The following OAS2 variants were observed in gnomAD, a reference collection of about 807,000 sequenced individuals.
The protein encoded by OAS2 is 2'-5'-oligoadenylate synthase 2.
OAS2 carries 67 observed loss-of-function variants against 71.3 expected under a neutral mutation model. The ratio of observed to expected loss-of-function variants is 0.94; its 90% CI spans 0.77 to 1.15. The LOEUF (loss-of-function observed/expected upper bound fraction) is 1.15. Among genes scored for constraint, OAS2 ranks in the 50% most tolerant of loss-of-function variants. The pLI, the probability that OAS2 is intolerant of heterozygous loss-of-function variation, is 0.00. For missense variants in OAS2, 789 were observed against 822.5 expected (o/e 0.96, Z 0.50); for synonymous variants, 327 against 321.8 (o/e 1.02, Z -0.17).
intron 3 of OAS2, among the ~76,000 whole-genome samples, chr12:112,997,059 T>A (rs1395634468): frequency 6.6e-6 from 1 of 152,166 alleles, no homozygotes; most frequent in Non-Finnish European, 1.5e-5. Context: ...GATGTTATCT[T>A]TAGTTTCTAT....
rs139297885 is a variant in OAS2, at chr12:113,007,405, G to A, written c.1657-300G>A. On this transcript the variant is annotated intron_variant, in intron 8 of 9. Coordinates refer to ENST00000392583, the MANE Select transcript of OAS2 (RefSeq NM_002535.3). ...CAGGTCATGCTGCCTGCATTGTGGG[G>A]AAGATTAGGAATGATGTGGGTAAAT... 1.6e-3 allele frequency among the ~76,000 whole-genome samples: 239 copies of A among 152,350 alleles called. 2 individuals carry two copies. Among genetic ancestry groups the A allele is most frequent in the African/African-American group, 5.4e-3 (224 of 41,580 alleles).
Position 112,978,733 on chromosome 12 carries a change from G to T in OAS2, c.125G>T (p.Cys42Phe), listed in dbSNP as rs1001446314. ...ATCGACGAGATGGTGAACACCATCT[G>T]TGACGTCCTGCAGGAACCCGAACAG... ...TLIDEMVNTI[C>F]DVLQEPEQFP... The change falls in exon 1 of 10, where the codon TGT (cysteine) becomes TTT (phenylalanine). Residue 42 changes from cysteine to phenylalanine, a missense_variant. Coordinates refer to ENST00000392583, the MANE Select transcript of OAS2 (RefSeq NM_002535.3). This position sits in a 1 kb window ranked among gnomAD's most constrained non-coding sequence, Gnocchi z 4.2. 6.2e-7 allele frequency: 1 copy of T among 1,614,118 alleles called. No individual in the cohort carries two copies. The highest frequency in any genetic ancestry group is 1.7e-5 in the Admixed American group (1 of 60,018).
chr12:112,978,827 T>G lies in OAS2; in HGVS notation c.177+42T>G. 6.4e-7 allele frequency: 1 copy of G among 1,570,164 alleles called. No individual in the cohort carries two copies. The highest frequency in any genetic ancestry group is 2.3e-5 in the East Asian group (1 of 43,662). On this transcript the variant is annotated intron_variant, in intron 1 of 9. Transcript: ENST00000392583. The surrounding 1 kb of genome is among the most constrained non-coding windows in gnomAD (Gnocchi z 4.2). ...GGTTGGGTCTCTGGGAGGCAGGAGA[T>G]TCCACGGCGGCAGCAAGGCCGAGCT...
chr12:112,993,408 TTAGAG>T (rs1299412319), intron 2 of OAS2, among the ~76,000 whole-genome samples: 1 of 152,202 alleles, frequency 6.6e-6, no homozygotes, highest in African/African-American at 2.4e-5. Context: ...CATAAAAGGC[TTAGAG>T]TAAACACACC....
In OAS2 at chr12:112,999,171, A is replaced by C. The variant is rs138674854; in HGVS notation, c.1008+761A>C. 4.3e-4 allele frequency among the ~76,000 whole-genome samples: 65 copies of C among 152,352 alleles called. 1 individual carries two copies. The East Asian group carries it at 0.012, about 28-fold the overall frequency. ...TCCGTTCAGGCAGGTGCCGGGGGCA[A>C]CAGTCAGAAGTGCGGCCGAAACAAG... On this transcript the variant is annotated intron_variant, in intron 5 of 9. Transcript: ENST00000392583.
chr12:112,987,158 A>G lies in OAS2; in HGVS notation c.298A>G (p.Lys100Glu), dbSNP rs1776725753. Residue 100 changes from lysine (K) to glutamate (E), a missense_variant, in exon 2 of 10, where the codon AAA (lysine) becomes GAA (glutamate). Transcript: ENST00000392583. ...GAGAAGCCAACGTGACATCCTCGAT[A>G]AAACTGGGGATAAGCTGAAGTTCTG... is the stretch of plus-strand genomic sequence containing the variant. The part of the protein sequence containing the change: ...QKRSQRDILD[K>E]TGDKLKFCLF... The G allele has an allele frequency of 1.2e-6, 2 of 1,614,082 alleles. No individual in the cohort carries two copies. Among genetic ancestry groups the G allele is most frequent in the South Asian group, 1.1e-5 (1 of 91,078 alleles).
In OAS2 at chr12:112,979,960, C is replaced by G. The variant is rs79926224; in HGVS notation, c.177+1175C>G. Among the ~76,000 whole-genome samples the G allele has an allele frequency of 9.7e-3, 1,484 of 152,246 alleles. 19 individuals carry two copies. Among genetic ancestry groups the G allele is most frequent in the Non-Finnish European group, 0.015 (1,052 of 68,000 alleles). ...TGTAAACCAGGATGCATGGGTGAAC[C>G]CTACATAAATGGCATCATGGGCTCT... On this transcript the variant is annotated intron_variant, in intron 1 of 9. Coordinates refer to ENST00000392583, the MANE Select transcript of OAS2 (RefSeq NM_002535.3).
Position 112,995,278 on chromosome 12 carries a change from A to G in OAS2, c.449-18A>G, listed in dbSNP as rs2044223709. On this transcript the variant is annotated intron_variant, in intron 2 of 9. Coordinates refer to ENST00000392583, the MANE Select transcript of OAS2 (RefSeq NM_002535.3). ...AGGTTACATAAATAACAACGTTCCA[A>G]TTTCTGTTTCACATCAGGCTTAAAT... 6.3e-7 allele frequency: 1 copy of G among 1,589,212 alleles called. No homozygotes were observed. The highest frequency in any genetic ancestry group is 8.6e-7 in the Non-Finnish European group (1 of 1,168,344).
intron 1 of OAS2, among the ~76,000 whole-genome samples, chr12:112,985,511 G>A (rs2044126671): frequency 6.6e-6 from 1 of 152,096 alleles, no homozygotes; most frequent in Non-Finnish European, 1.5e-5. Flanking sequence ...GTTCTTTTTA[G>A]CAATATCTAT....
chr12:112,983,876 A>G (rs542606603), intron 1 of OAS2, among the ~76,000 whole-genome samples: 15 of 152,354 alleles, frequency 9.8e-5, no homozygotes, highest in East Asian at 7.7e-4. Flanking sequence ...GTGACCTACC[A>G]TAGGGTCTAT....
In OAS2 at chr12:113,010,290, C is replaced by T; in HGVS notation, c.*1035C>T. The stretch of plus-strand genomic sequence containing the variant: ...AATAGTTACCTTCCCAGATACAGGT[C>T]CCCCCTTTTTTCCCCTAACTCTTTT... On this transcript the variant is annotated 3_prime_UTR_variant, in exon 10 of 10. Coordinates refer to ENST00000392583, the MANE Select transcript of OAS2 (RefSeq NM_002535.3). 2 of 1,502,858 alleles carry T rather than the reference C, an allele frequency of 1.3e-6. No individual in the cohort carries two copies. The highest frequency in any genetic ancestry group is 1.8e-6 in the Non-Finnish European group (2 of 1,129,812). 93.1% of individuals were successfully genotyped at this position (1,502,858 alleles called of 1,614,324 possible). A position where few individuals can be genotyped will look rare whatever the true frequency, so the allele number is the denominator to read the frequency against.
chr12:113,007,979 G>A (rs570627017), intron 9 of OAS2, 36 bp downstream of exon 9: 1 of 1,461,258 alleles, frequency 6.8e-7, no homozygotes, highest in Admixed American at 1.7e-5. Context: ...TTCTTAACCT[G>A]ATTCCCTTGA....
chr12:112,984,181 T>C (rs1339778573), intron 1 of OAS2, among the ~76,000 whole-genome samples: 1 of 152,238 alleles, frequency 6.6e-6, no homozygotes, highest in African/African-American at 2.4e-5. Context: ...TAATATTTGC[T>C]TTACATATCT....
At chr12:112,991,130 C>A (rs2044188053) in intron 2 of OAS2, among the ~76,000 whole-genome samples, 1 of 152,222 alleles carries the variant, frequency 6.6e-6, no homozygotes, top group African/African-American at 2.4e-5. Context: ...CTCAAACCCA[C>A]ATGATGCTAG....
At chr12:112,980,028 A>G (rs1419389240) in intron 1 of OAS2, among the ~76,000 whole-genome samples, 1 of 152,134 alleles carries the variant, frequency 6.6e-6, no homozygotes, top group African/African-American at 2.4e-5. Context: ...GATGTTTATG[A>G]AATTTATGTT....
Position 113,010,678 on chromosome 12 carries a change from A to G in OAS2, c.*1423A>G, listed in dbSNP as rs1592822265. The G allele has an allele frequency of 4.5e-6, 3 of 667,704 alleles. No homozygotes were observed. In the South Asian group the frequency reaches 1.1e-4, roughly 25 times the overall value. The allele number at this position is 667,704 out of a possible 1,614,324, so 41.4% of individuals were successfully genotyped here. A position where few individuals can be genotyped will look rare whatever the true frequency, so the allele number is the denominator to read the frequency against. On this transcript the variant is annotated 3_prime_UTR_variant, in exon 10 of 10. Coordinates refer to ENST00000392583, the MANE Select transcript of OAS2 (RefSeq NM_002535.3). Reference sequence around the variant, plus strand: ...CTCTGCAGGCAGCCTGCCTTTAAAAATAGTTGCTGTCATCCACTTTATGTG... The same window carrying G: ...CTCTGCAGGCAGCCTGCCTTTAAAAGTAGTTGCTGTCATCCACTTTATGTG...
At chr12:112,979,809 C>G (rs2044063192) in intron 1 of OAS2, among the ~76,000 whole-genome samples, 1 of 152,208 alleles carries the variant, frequency 6.6e-6, no homozygotes, top group South Asian at 2.1e-4. Context: ...CTCCTGACTT[C>G]TAACAGCATA....
chr12:113,006,272 G>A (rs2044334176), intron 7 of OAS2, 141 bp from the exon 8 acceptor site: 5 of 633,712 alleles, frequency 7.9e-6, no homozygotes, highest in Middle Eastern at 4.7e-4. Flanking sequence ...TGCTCCCTGT[G>A]TCTTAGACAT....
chr12:113,008,550 A>G (rs2044354114), intron 9 of OAS2, among the ~76,000 whole-genome samples: 1 of 152,208 alleles, frequency 6.6e-6, no homozygotes, highest in Non-Finnish European at 1.5e-5. Context: ...TTATGCCTTC[A>G]TGAGTATAGC....
Sources: allele counts gnomAD v4.1 joint callset (sites outside exome capture counted in the v4.1 genomes callset), GRCh38; gene constraint gnomAD v4.1.1; non-coding constraint Gnocchi (gnomAD v3.1); transcripts MANE v1.5; gene names NCBI Gene and HGNC (gene_info 2026-07-23, HGNC 2026-07-21).